XKR4: variants seen among roughly 807,000 people sequenced by gnomAD.
The protein encoded by XKR4 is XK related 4.
In XKR4, 12 loss-of-function variants were observed where a neutral mutation model predicts 53.9. The observed-to-expected ratio is 0.22, with a 90% CI of 0.14 to 0.36. The LOEUF (loss-of-function observed/expected upper bound fraction) is 0.36. Ranked by LOEUF, XKR4 falls within the 10% of genes least tolerant of loss-of-function variation. The pLI is 1.00. For synonymous variants in XKR4, 354 were observed against 362.4 expected (o/e 0.98, Z 0.26); for missense variants, 799 against 859.5 (o/e 0.93, Z 0.88).
At chr8:55,347,794 T>C (rs1803670048) in intron 1 of XKR4, among the ~76,000 whole-genome samples, 1 of 152,172 alleles carries the variant, frequency 6.6e-6, no homozygotes, top group Non-Finnish European at 1.5e-5. Context: ...CTTGAAACTT[T>C]TTTCTGCCTT....
intron 2 of XKR4, among the ~76,000 whole-genome samples, chr8:55,518,771 G>A (rs2129405527): frequency 6.6e-6 from 1 of 152,276 alleles, no homozygotes; most frequent in East Asian, 1.9e-4. Flanking sequence ...CCAGAAAAAG[G>A]CTGAGAAGGG....
intron 1 of XKR4, among the ~76,000 whole-genome samples, chr8:55,137,511 T>G (rs1816647715): frequency 6.6e-6 from 1 of 151,722 alleles, no homozygotes; most frequent in Non-Finnish European, 1.5e-5. Context: ...ATTAATAATC[T>G]GAATAACTTA....
intron 2 of XKR4, among the ~76,000 whole-genome samples, chr8:55,462,829 T>A (rs1015230366): frequency 2.6e-5 from 4 of 152,098 alleles, no homozygotes; most frequent in Admixed American, 6.5e-5. Context: ...GCAATCCTAG[T>A]CTCAGGTAAA....
intron 1 of XKR4, among the ~76,000 whole-genome samples, chr8:55,308,978 G>T (rs868462041): frequency 1.2e-4 from 18 of 152,178 alleles, no homozygotes; most frequent in Non-Finnish European, 2.9e-5. Context: ...TTCAGAAAAG[G>T]CCTACCCTGT....
intron 2 of XKR4, among the ~76,000 whole-genome samples, chr8:55,469,616 T>C (rs148094996): frequency 6.6e-6 from 1 of 152,250 alleles, no homozygotes; most frequent in East Asian, 1.9e-4. Context: ...TATTCCATGT[T>C]AGCATAATAT....
At chr8:55,211,251 A>G (rs1187498357) in intron 1 of XKR4, among the ~76,000 whole-genome samples, 1 of 152,254 alleles carries the variant, frequency 6.6e-6, no homozygotes, top group Non-Finnish European at 1.5e-5. Flanking sequence ...AATATCATTT[A>G]TAGTACATCT....
chr8:55,128,037 A>G (rs1340908270), intron 1 of XKR4, among the ~76,000 whole-genome samples: 5 of 152,132 alleles, frequency 3.3e-5, no homozygotes, highest in African/African-American at 1.2e-4. Context: ...CTCGCAATAC[A>G]CATACGTGTG....
chr8:55,227,437 G>A (rs182762738), intron 1 of XKR4, among the ~76,000 whole-genome samples: 1 of 152,356 alleles, frequency 6.6e-6, no homozygotes, highest in Admixed American at 6.5e-5. Context: ...TGCTTGGTAA[G>A]AGTTGCCATT....
chr8:55,443,530 TAAA>T (rs751152509), intron 2 of XKR4, among the ~76,000 whole-genome samples: 8,463 of 73,498 alleles, frequency 0.12, 381 homozygotes, highest in East Asian at 0.3. Flanking sequence ...TCAGTTACAT[TAAA>T]AAAAAAAAAA....
chr8:55,307,477 C>A (rs1819320485), intron 1 of XKR4, among the ~76,000 whole-genome samples: 1 of 152,092 alleles, frequency 6.6e-6, no homozygotes, highest in South Asian at 2.1e-4. Context: ...TATAGGGAGA[C>A]ACTATCTTTA....
intron 1 of XKR4, among the ~76,000 whole-genome samples, chr8:55,199,552 G>A (rs1178526487): frequency 6.6e-6 from 1 of 152,150 alleles, no homozygotes; most frequent in Non-Finnish European, 1.5e-5. Context: ...AGATGAGGGG[G>A]AACAGAGGCT....
intron 2 of XKR4, among the ~76,000 whole-genome samples, chr8:55,476,045 T>A (rs1442538905): frequency 6.6e-6 from 1 of 152,118 alleles, no homozygotes; most frequent in African/African-American, 2.4e-5. Context: ...CGCACCTGGC[T>A]ACCTCATAAA....
At chr8:55,335,421 C>G (rs143270258) in intron 1 of XKR4, among the ~76,000 whole-genome samples, 1 of 151,214 alleles carries the variant, frequency 6.6e-6, no homozygotes, top group Admixed American at 6.6e-5. Context: ...CATGACACTG[C>G]GAGAAAAAAA....
At chr8:55,490,275 C>T (rs1279414997) in intron 2 of XKR4, among the ~76,000 whole-genome samples, 1 of 152,152 alleles carries the variant, frequency 6.6e-6, no homozygotes, top group African/African-American at 2.4e-5. Context: ...AAATGATGTT[C>T]TTTGCAGCGA....
At chr8:55,105,720 A>G (rs564020305) in intron 1 of XKR4, among the ~76,000 whole-genome samples, 4 of 152,340 alleles carry the variant, frequency 2.6e-5, no homozygotes, top group African/African-American at 9.6e-5. Flanking sequence ...TGAAAGCGTG[A>G]TCTAAGACTA....
At chr8:55,451,367 C>A (rs1434610926) in intron 2 of XKR4, 1 of 697,906 alleles carries the variant, frequency 1.4e-6, no homozygotes, top group South Asian at 1.7e-5. Context: ...TGACTCCCCA[C>A]GTGGGCTGAG....
chr8:55,289,646 A>AAAGAAAGGAAGGAAGG (rs1221597017), intron 1 of XKR4, among the ~76,000 whole-genome samples: 57 of 87,016 alleles, frequency 6.6e-4, no homozygotes, highest in African/African-American at 2.9e-3. Flanking sequence ...AGAAAGAAAG[A>AAAGAAAGGAAGGAAGG]AAGGAAGGAA....
At chr8:55,326,173 C>T (rs1037824999) in intron 1 of XKR4, among the ~76,000 whole-genome samples, 2 of 152,136 alleles carry the variant, frequency 1.3e-5, no homozygotes, top group Admixed American at 1.3e-4. Context: ...CGGAGACAGG[C>T]AGACCTGTTA....
chr8:55,306,938 GAAA>G (rs76863433), intron 1 of XKR4, among the ~76,000 whole-genome samples: 1 of 119,862 alleles, frequency 8.3e-6, no homozygotes, highest in African/African-American at 2.8e-5. Context: ...TCCATATGCA[GAAA>G]AAAAAAAAAA....
Sources: allele counts gnomAD v4.1 joint callset (sites outside exome capture counted in the v4.1 genomes callset), GRCh38; gene constraint gnomAD v4.1.1; transcripts MANE v1.5; gene names NCBI Gene and HGNC (gene_info 2026-07-23, HGNC 2026-07-21).